Variants in KAZN observed in about 807,000 individuals in gnomAD.
The protein encoded by KAZN is kazrin.
Under a neutral mutation model 87.4 loss-of-function variants are expected in KAZN, and 40 were observed. The ratio of observed to expected loss-of-function variants is 0.46; its 90% CI spans 0.36 to 0.60. KAZN has a LOEUF of 0.60. Among genes scored for constraint, KAZN ranks in the 20% least tolerant of loss-of-function variants. The pLI is 0.00. For missense variants in KAZN, 898 were observed against 1,073.9 expected (o/e 0.84, Z 2.29); for synonymous variants, 466 against 458.3 (o/e 1.02, Z -0.22).
At chr1:13,963,004 G>C (rs1428988769) in intron 1 of KAZN, among the ~76,000 whole-genome samples, 4 of 152,136 alleles carry the variant, frequency 2.6e-5, no homozygotes, top group Admixed American at 2.0e-4. Flanking sequence ...AGAAGCTAAA[G>C]AGACAAATTG....
chr1:14,983,295 C>T lies in KAZN; in HGVS notation c.418+22420C>T, dbSNP rs138120159. On this transcript the variant is annotated intron_variant, in intron 2 of 14. Transcript: ENST00000376030. ...AGCTTAGCACCTTCAGGATGGGCCC[C>T]GGACTTGACGCTAGAGCCGGAGCCT... Among the ~76,000 whole-genome samples the T allele has an allele frequency of 1.2e-3, 178 of 152,284 alleles. 1 individual carries two copies. The highest frequency in any genetic ancestry group is 2.0e-3 in the Non-Finnish European group (138 of 68,026).
At chr1:14,037,799 C>T (rs1641624374) in intron 1 of KAZN, among the ~76,000 whole-genome samples, 1 of 152,208 alleles carries the variant, frequency 6.6e-6, no homozygotes, top group African/African-American at 2.4e-5. Flanking sequence ...TTTGTGTCCA[C>T]ACCCTGCAGA....
chr1:14,933,824 T>G (rs1660124699), intron 1 of KAZN, among the ~76,000 whole-genome samples: 1 of 150,388 alleles, frequency 6.6e-6, no homozygotes, highest in African/African-American at 2.5e-5. Flanking sequence ...CTTTTGTCTG[T>G]TTGTGTGGGA....
intron 2 of KAZN, among the ~76,000 whole-genome samples, chr1:14,469,250 G>A (rs1430583610): frequency 6.6e-6 from 1 of 152,148 alleles, no homozygotes; most frequent in Non-Finnish European, 1.5e-5. Flanking sequence ...CCCCATGAAC[G>A]TATAAAGTGT....
intron 1 of KAZN, among the ~76,000 whole-genome samples, chr1:14,066,571 C>G (rs992755322): frequency 3.9e-5 from 6 of 152,136 alleles, no homozygotes; most frequent in Admixed American, 1.3e-4. Flanking sequence ...TGCTTTTGGT[C>G]CCTTAACTAC....
chr1:14,243,570 A>G (rs1168581095), intron 2 of KAZN, among the ~76,000 whole-genome samples: 3 of 152,328 alleles, frequency 2.0e-5, no homozygotes, highest in Non-Finnish European at 4.4e-5. Flanking sequence ...AGTCAAGACT[A>G]TGTTAAGAAT....
At chr1:15,018,055 A>C in intron 2 of KAZN, among the ~76,000 whole-genome samples, 2 of 148,272 alleles carry the variant, frequency 1.3e-5, no homozygotes, top group African/African-American at 2.5e-5. Flanking sequence ...CAGCCTGCAA[A>C]CTCCCTTTTC....
At chr1:14,269,090 T>TTC (rs374327402) in intron 2 of KAZN, among the ~76,000 whole-genome samples, 7 of 151,498 alleles carry the variant, frequency 4.6e-5, no homozygotes, top group East Asian at 1.9e-4. Context: ...TTTGGCTGGG[T>TTC]TCTCTCTCTC....
intron 1 of KAZN, among the ~76,000 whole-genome samples, chr1:14,171,022 T>C (rs1271550706): frequency 6.6e-6 from 1 of 152,168 alleles, no homozygotes; most frequent in African/African-American, 2.4e-5. Context: ...CTCTGTACAG[T>C]TCTTAAAAAT....
chr1:13,924,623 A>G (rs1640201313), intron 1 of KAZN, among the ~76,000 whole-genome samples: 1 of 152,212 alleles, frequency 6.6e-6, no homozygotes, highest in African/African-American at 2.4e-5. Flanking sequence ...GAGGCTCATC[A>G]GAAACTCAAA....
chr1:14,578,193 C>T (rs1193469424), intron 2 of KAZN, among the ~76,000 whole-genome samples: 1 of 151,954 alleles, frequency 6.6e-6, no homozygotes, highest in South Asian at 2.1e-4. Context: ...ACTTTCCAGG[C>T]CTTACCCAAG....
chr1:14,057,136 G>A (rs76124754), intron 1 of KAZN, among the ~76,000 whole-genome samples: 3 of 149,120 alleles, frequency 2.0e-5, no homozygotes, highest in Non-Finnish European at 4.5e-5. Context: ...TTTTTTGTTT[G>A]TTTGTTTTTT....
chr1:14,944,227 T>TA (rs34463773), intron 1 of KAZN, among the ~76,000 whole-genome samples: 56,171 of 127,320 alleles, frequency 0.44, 12,223 homozygotes, highest in Middle Eastern at 0.56. Flanking sequence ...CTCCCCCTCC[T>TA]AAAAAAAAAA....
intron 1 of KAZN, among the ~76,000 whole-genome samples, chr1:14,623,307 T>C (rs1438897724): frequency 6.6e-6 from 1 of 152,244 alleles, no homozygotes; most frequent in Non-Finnish European, 1.5e-5. Flanking sequence ...AACAAGATCA[T>C]ATCCTTTGCA....
intron 2 of KAZN, among the ~76,000 whole-genome samples, chr1:14,417,002 A>G (rs1443036227): frequency 6.4e-5 from 5 of 78,212 alleles, no homozygotes; most frequent in Non-Finnish European, 1.3e-4. Flanking sequence ...GTGTGTATGT[A>G]TATATATGTA....
At chr1:14,944,959 G>T (rs1572890645) in intron 1 of KAZN, among the ~76,000 whole-genome samples, 1 of 152,096 alleles carries the variant, frequency 6.6e-6, no homozygotes, top group South Asian at 2.1e-4. Context: ...TGGGTTTTGG[G>T]GTCGCAGTGG....
chr1:15,094,978 T>A lies in KAZN; in HGVS notation c.1547+45T>A. On this transcript the variant is annotated intron_variant, in intron 10 of 14. Transcript: ENST00000376030. The surrounding 1 kb of genome is among the most constrained non-coding windows in gnomAD (Gnocchi z 4.5). ...CCCCGGGGGAGGAGAGAAAAAGTCA[T>A]CCTGAGGCCTTTGGTCACACAGGTG... The A allele has an allele frequency of 5.1e-6, 7 of 1,365,140 alleles. No homozygotes were observed. 84.6% of individuals were successfully genotyped at this position (1,365,140 alleles called of 1,614,324 possible).
At position 14,379,512 on chromosome 1, in the gene KAZN, T is replaced by C. The variant is rs568897745; in HGVS notation, c.249+198920T>C. Among the ~76,000 whole-genome samples the C allele has an allele frequency of 5.6e-4, 85 of 152,246 alleles. 2 individuals carry two copies. Among genetic ancestry groups the C allele is most frequent in the Admixed American group, 2.2e-3 (34 of 15,296 alleles). On this transcript the variant is annotated intron_variant, in intron 2 of 16. Coordinates refer to the KAZN transcript ENST00000636203. ...TTCCCTGGGGCAGAGGAGAGACCACTGTCCTGAAGGGTGAGTCCTAGGCCT... is the reference window on the plus strand; with the variant it reads ...TTCCCTGGGGCAGAGGAGAGACCACCGTCCTGAAGGGTGAGTCCTAGGCCT...
chr1:14,594,106 G>A (rs75730110), upstream of KAZN, among the ~76,000 whole-genome samples: 1,244 of 152,240 alleles, frequency 8.2e-3, 17 homozygotes, highest in African/African-American at 0.029. Flanking sequence ...TCATAGAGTA[G>A]GGCAACCATA....
Sources: allele counts gnomAD v4.1 joint callset (sites outside exome capture counted in the v4.1 genomes callset), GRCh38; gene constraint gnomAD v4.1.1; non-coding constraint Gnocchi (gnomAD v3.1); transcripts MANE v1.5; gene names NCBI Gene and HGNC (gene_info 2026-07-23, HGNC 2026-07-21).